Variants in COMMD1 observed in about 807,000 individuals in gnomAD.
COMMD1 encodes the protein COMM domain-containing protein 1.
A neutral mutation model predicts 17.2 loss-of-function variants in COMMD1; 10 were observed. The ratio of observed to expected loss-of-function variants is 0.58; its 90% confidence interval spans 0.36 to 0.99. The LOEUF (loss-of-function observed/expected upper bound fraction) is 0.99. Among genes scored for constraint, COMMD1 ranks in the 50% least tolerant of loss-of-function variants. The pLI, the probability that COMMD1 is intolerant of heterozygous loss-of-function variation, is 0.01. For missense variants in COMMD1, 270 were observed against 231.8 expected (o/e 1.17, Z -1.07); for synonymous variants, 97 against 91.6 (o/e 1.06, Z -0.34).
intron 2 of COMMD1, among the ~76,000 whole-genome samples, chr2:62,129,823 A>C (rs1336366581): frequency 2.0e-5 from 3 of 152,188 alleles, no homozygotes. Context: ...TATTTTAAGC[A>C]TATGAAAGGA....
chr2:61,962,503 T>C (rs1423410606), intron 1 of COMMD1, among the ~76,000 whole-genome samples: 1 of 152,172 alleles, frequency 6.6e-6, no homozygotes, highest in Non-Finnish European at 1.5e-5. Flanking sequence ...ATTAAGGAGT[T>C]GGGGCTTTCA....
intron 2 of COMMD1, among the ~76,000 whole-genome samples, chr2:62,005,768 A>C (rs1478118502): frequency 1.6e-3 from 236 of 151,964 alleles, no homozygotes; most frequent in Non-Finnish European, 2.4e-3. Flanking sequence ...TAGTTCAACC[A>C]TTGTGGAAGT....
chr2:62,111,820 A>G (rs1672463618), intron 2 of COMMD1, among the ~76,000 whole-genome samples: 1 of 152,156 alleles, frequency 6.6e-6, no homozygotes, highest in African/African-American at 2.4e-5. Context: ...TTGAGCCCCA[A>G]CAGTCCCATT....
At chr2:61,927,643 C>T (rs563963333) in intron 1 of COMMD1, among the ~76,000 whole-genome samples, 1 of 152,070 alleles carries the variant, frequency 6.6e-6, no homozygotes, top group Non-Finnish European at 1.5e-5. Context: ...CGTGATCCAC[C>T]TGCCTCGGCC....
chr2:62,047,016 T>C (rs1218248876), intron 2 of COMMD1, among the ~76,000 whole-genome samples: 1 of 152,186 alleles, frequency 6.6e-6, no homozygotes, highest in Admixed American at 6.5e-5. Context: ...CATTTATTTG[T>C]TTTGCCAGAT....
At position 62,041,603 on chromosome 2, in the gene COMMD1, C is replaced by A. The variant is rs139177082; in HGVS notation, c.462+40621C>A. The stretch of plus-strand genomic sequence containing the variant: ...ATGAGGTTTCACCATGTTGCCCAAG[C>A]TGGTCTTGAGCTCCTGAGCTCAAGC... On this transcript the variant is annotated intron_variant, in intron 2 of 2. Coordinates refer to ENST00000311832, the MANE Select transcript of COMMD1 (RefSeq NM_152516.4). Among the ~76,000 whole-genome samples, 701 of 152,256 alleles carry A rather than the reference C, an allele frequency of 4.6e-3. 6 individuals are homozygous for A. Among genetic ancestry groups the A allele is most frequent in the African/African-American group, 0.016 (658 of 41,558 alleles).
chr2:62,111,658 G>A (rs1672459705), intron 2 of COMMD1, among the ~76,000 whole-genome samples: 2 of 152,172 alleles, frequency 1.3e-5, no homozygotes, highest in Non-Finnish European at 2.9e-5. Context: ...AAGAATTCTG[G>A]TTTCTATGAC....
chr2:61,944,327 C>G (rs1027315287), intron 1 of COMMD1, among the ~76,000 whole-genome samples: 16 of 152,150 alleles, frequency 1.1e-4, no homozygotes, highest in South Asian at 2.1e-4. Context: ...TGGCACACAT[C>G]TGTAGTCCCA....
intron 2 of COMMD1, among the ~76,000 whole-genome samples, chr2:62,003,181 C>A (rs988913141): frequency 6.6e-6 from 1 of 150,752 alleles, no homozygotes; most frequent in Non-Finnish European, 1.5e-5. Context: ...TGCTGTCAGC[C>A]GAGATGGTGC....
intron 1 of COMMD1, among the ~76,000 whole-genome samples, chr2:61,936,111 GT>G (rs1471016289): frequency 6.6e-6 from 1 of 151,844 alleles, no homozygotes; most frequent in Admixed American, 6.6e-5. Flanking sequence ...GCCCAGCCCA[GT>G]TTTTTTTGTT....
intron 1 of COMMD1, among the ~76,000 whole-genome samples, chr2:61,952,000 G>A (rs1671067205): frequency 6.6e-6 from 1 of 152,102 alleles, no homozygotes; most frequent in African/African-American, 2.4e-5. Context: ...TTAGTCCATT[G>A]TATGATATAA....
At chr2:62,031,953 T>C (rs1342229664) in intron 2 of COMMD1, among the ~76,000 whole-genome samples, 1 of 152,234 alleles carries the variant, frequency 6.6e-6, no homozygotes, top group East Asian at 1.9e-4. Context: ...TTGTTGCTTC[T>C]GTGAAATGCT....
chr2:61,928,628 T>C, intron 1 of COMMD1: 1 of 152,056 alleles, frequency 6.6e-6, no homozygotes, highest in East Asian at 1.9e-4. Context: ...TTTTTAAGGG[T>C]GGTCAAGTGA....
intron 1 of COMMD1, among the ~76,000 whole-genome samples, chr2:61,896,721 A>T (rs552250663): frequency 6.6e-6 from 1 of 152,162 alleles, no homozygotes; most frequent in Non-Finnish European, 1.5e-5. Flanking sequence ...CACCTAAAAA[A>T]CAGCAGATGC....
rs193146446 is a variant in COMMD1 at position 61,948,463 on chromosome 2, G to C, written c.180+42605G>C. 4.5e-3 allele frequency among the ~76,000 whole-genome samples: 677 copies of C among 151,992 alleles called. 3 individuals carry two copies. Among genetic ancestry groups the C allele is most frequent in the Non-Finnish European group, 7.2e-3 (488 of 67,990 alleles). ...TAGAATGGAGCTCTTTTATTAATTG[G>C]GTAATACCATCTGGAGGTAGGAAAA... is the stretch of plus-strand genomic sequence containing the variant. On this transcript the variant is annotated intron_variant, in intron 1 of 2. Coordinates refer to ENST00000311832, the MANE Select transcript of COMMD1 (RefSeq NM_152516.4).
chr2:61,954,342 C>T (rs1056225648), intron 1 of COMMD1, among the ~76,000 whole-genome samples: 5 of 152,124 alleles, frequency 3.3e-5, no homozygotes, highest in African/African-American at 1.2e-4. Context: ...AGGAGTATAA[C>T]ATTTTGTATA....
chr2:61,959,624 A>G (rs1470835274), intron 1 of COMMD1, among the ~76,000 whole-genome samples: 1 of 152,228 alleles, frequency 6.6e-6, no homozygotes, highest in African/African-American at 2.4e-5. Flanking sequence ...CTATTACTGA[A>G]TTGGCTAATT....
At chr2:62,080,969 A>G (rs1671498952) in intron 2 of COMMD1, among the ~76,000 whole-genome samples, 1 of 151,948 alleles carries the variant, frequency 6.6e-6, no homozygotes, top group Non-Finnish European at 1.5e-5. Flanking sequence ...GACATTTAAG[A>G]TGTTTCTACT....
chr2:61,985,819 A>C (rs1672092117), intron 1 of COMMD1, among the ~76,000 whole-genome samples: 1 of 151,988 alleles, frequency 6.6e-6, no homozygotes, highest in Non-Finnish European at 1.5e-5. Context: ...TTTATATTTT[A>C]TTGTACTATG....
Sources: allele counts gnomAD v4.1 joint callset (sites outside exome capture counted in the v4.1 genomes callset), GRCh38; gene constraint gnomAD v4.1.1; transcripts MANE v1.5; gene names NCBI Gene and HGNC (gene_info 2026-07-23, HGNC 2026-07-21).